The following ITGA9 variants were observed in gnomAD, a reference collection of about 807,000 sequenced individuals.
ITGA9 encodes the protein integrin alpha-9.
In ITGA9, 56 loss-of-function variants were observed where a neutral mutation model predicts 127.8. The observed-to-expected ratio is 0.44, with a 90% confidence interval of 0.35 to 0.55. The LOEUF is 0.55. Ranked by LOEUF, ITGA9 falls within the 20% of genes least tolerant of loss-of-function variation. The pLI is 0.00. For synonymous variants in ITGA9, 508 were observed against 514.5 expected, an observed-to-expected ratio of 0.99 and a Z score of 0.17; for missense variants, 1,196 against 1,347.1, an observed-to-expected ratio of 0.89 and a Z score of 1.76.
At chr3:37,684,160 C>A in intron 18 of ITGA9, 145 bp downstream of exon 18, 1 of 822,308 alleles carries the variant, frequency 1.2e-6, no homozygotes, top group Non-Finnish European at 2.0e-6. Context: ...CTTTTTTCTT[C>A]CTGGGCTTAG....
At chr3:37,729,275 T>C (rs932420953) in intron 18 of ITGA9, among the ~76,000 whole-genome samples, 1 of 152,150 alleles carries the variant, frequency 6.6e-6, no homozygotes, top group Admixed American at 6.5e-5. Context: ...ACAGCTATGT[T>C]GGTGCTGACA....
intron 14 of ITGA9, among the ~76,000 whole-genome samples, chr3:37,534,831 A>T (rs1465045122): frequency 1.3e-5 from 2 of 152,188 alleles, no homozygotes; most frequent in Non-Finnish European, 2.9e-5. Context: ...CCAGGAGTTG[A>T]ATTTGGATCT....
chr3:37,637,807 G>A (rs1302936553), intron 16 of ITGA9, among the ~76,000 whole-genome samples: 1 of 152,156 alleles, frequency 6.6e-6, no homozygotes, highest in Admixed American at 6.5e-5. Flanking sequence ...TGAGTAGCTA[G>A]GATTACAGGT....
intron 18 of ITGA9, among the ~76,000 whole-genome samples, chr3:37,694,683 CAT>C (rs1055467015): frequency 3.9e-5 from 6 of 152,126 alleles, no homozygotes; most frequent in African/African-American, 1.2e-4. Flanking sequence ...ATTTAGAAAA[CAT>C]GTGTTAAACC....
At chr3:37,633,231 A>C (rs1415315223) in intron 16 of ITGA9, among the ~76,000 whole-genome samples, 1 of 152,216 alleles carries the variant, frequency 6.6e-6, no homozygotes, top group Non-Finnish European at 1.5e-5. Context: ...TTTATGGGTA[A>C]GAAAAAAATA....
At chr3:37,465,056 G>A (rs1423473972) in intron 1 of ITGA9, among the ~76,000 whole-genome samples, 1 of 152,240 alleles carries the variant, frequency 6.6e-6, no homozygotes, top group Admixed American at 6.5e-5. Flanking sequence ...ATCAAATGCT[G>A]AAAGCAAACC....
At chr3:37,658,011 G>A (rs1394237864) in intron 17 of ITGA9, among the ~76,000 whole-genome samples, 1 of 152,198 alleles carries the variant, frequency 6.6e-6, no homozygotes, top group Admixed American at 6.5e-5. Context: ...TTTTGAGTGA[G>A]TTTCTTAATC....
At chr3:37,758,175 T>A (rs1482147730) in intron 23 of ITGA9, among the ~76,000 whole-genome samples, 1 of 143,728 alleles carries the variant, frequency 7.0e-6, no homozygotes, top group Admixed American at 6.9e-5. Context: ...TACAAAAAAT[T>A]AGCCGGGCGC....
chr3:37,464,694 G>A (rs1350423038), intron 1 of ITGA9, among the ~76,000 whole-genome samples: 1 of 152,200 alleles, frequency 6.6e-6, no homozygotes, highest in Non-Finnish European at 1.5e-5. Context: ...AAGCTTAGAA[G>A]CCAGGTAGAA....
intron 2 of ITGA9, among the ~76,000 whole-genome samples, chr3:37,472,972 C>G (rs1366580999): frequency 2.0e-5 from 3 of 151,092 alleles, no homozygotes; most frequent in Admixed American, 6.6e-5. Flanking sequence ...AAACCCATCT[C>G]TGCTAAAAAT....
intron 18 of ITGA9, among the ~76,000 whole-genome samples, chr3:37,694,646 C>T (rs1406496129): frequency 1.3e-5 from 2 of 152,212 alleles, no homozygotes; most frequent in Non-Finnish European, 2.9e-5. Flanking sequence ...CCCAGAGCCG[C>T]AAGACTTGAG....
chr3:37,498,757 T>C (rs1698759279), intron 5 of ITGA9, among the ~76,000 whole-genome samples: 1 of 152,234 alleles, frequency 6.6e-6, no homozygotes, highest in Non-Finnish European at 1.5e-5. Context: ...GTCTCCTGGC[T>C]ACTTTGGACT....
At chr3:37,539,075 C>A (rs1242059122) in intron 14 of ITGA9, among the ~76,000 whole-genome samples, 3 of 152,240 alleles carry the variant, frequency 2.0e-5, no homozygotes, top group Non-Finnish European at 4.4e-5. Context: ...TGGGTTGTTT[C>A]TCTCTTCCTT....
intron 16 of ITGA9, among the ~76,000 whole-genome samples, chr3:37,641,902 G>A (rs1700337541): frequency 6.6e-6 from 1 of 152,106 alleles, no homozygotes; most frequent in South Asian, 2.1e-4. Context: ...CCTCCTCAAA[G>A]AACCATTCTC....
Position 37,683,932 on chromosome 3 carries a change from T to A in ITGA9, c.1984T>A (p.Ser662Thr), listed in dbSNP as rs1700757164. Residue 662 changes from serine to threonine, a missense_variant, in exon 18 of 28, where the codon TCC becomes ACC. By Grantham distance (58) the Ser-to-Thr change is moderately conservative. Transcript: ENST00000264741. ...VKNISLNISISNLGDDAYDAN... is the reference protein window; with the variant it reads ...VKNISLNISITNLGDDAYDAN... The stretch of plus-strand genomic sequence containing the variant: ...GAACATCTCCCTAAACATCTCTATC[T>A]CCAACCTCGGAGATGATGCCTATGA... The A allele has an allele frequency of 1.9e-6, 3 of 1,613,924 alleles. No individual in the cohort carries two copies. The highest frequency in any genetic ancestry group is 2.5e-6 in the Non-Finnish European group (3 of 1,179,922).
intron 18 of ITGA9, among the ~76,000 whole-genome samples, chr3:37,697,621 T>C (rs1318532774): frequency 1.3e-5 from 2 of 152,094 alleles, no homozygotes; most frequent in African/African-American, 4.8e-5. Context: ...TTGCTCAGAA[T>C]GATGGTTTCC....
At chr3:37,557,343 A>T (rs1014290046) in intron 15 of ITGA9, among the ~76,000 whole-genome samples, 1 of 152,144 alleles carries the variant, frequency 6.6e-6, no homozygotes, top group Non-Finnish European at 1.5e-5. Context: ...TGTTTTGCAG[A>T]TGGGGAATTT....
intron 15 of ITGA9, among the ~76,000 whole-genome samples, chr3:37,617,885 A>G (rs1227031693): frequency 1.3e-5 from 2 of 152,106 alleles, no homozygotes; most frequent in African/African-American, 4.8e-5. Context: ...CAAGGTTTTT[A>G]ACTTCTTTGC....
At chr3:37,760,524 G>C (rs1011392035) in intron 23 of ITGA9, among the ~76,000 whole-genome samples, 1 of 151,990 alleles carries the variant, frequency 6.6e-6, no homozygotes, top group African/African-American at 2.4e-5. Context: ...AGACGATAGA[G>C]AAAAGAGGGC....
Sources: allele counts gnomAD v4.1 joint callset (sites outside exome capture counted in the v4.1 genomes callset), GRCh38; gene constraint gnomAD v4.1.1; transcripts MANE v1.5; gene names NCBI Gene and HGNC (gene_info 2026-07-23, HGNC 2026-07-21).